The following KALRN variants were observed in gnomAD, a reference collection of about 807,000 sequenced individuals.
The protein encoded by KALRN is kalirin.
A neutral mutation model predicts 353.7 loss-of-function variants in KALRN; 70 were observed. That is an observed-to-expected ratio of 0.20 (90% CI 0.16 to 0.24). The LOEUF (loss-of-function observed/expected upper bound fraction) is 0.24, where lower values mean the gene tolerates loss of function less well. Among genes scored for constraint, KALRN ranks in the 10% least tolerant of loss-of-function variants. The pLI is 1.00. For missense variants in KALRN, 2,791 were observed against 3,756.7 expected (o/e 0.74, Z 6.72); for synonymous variants, 1,391 against 1,434.8 (o/e 0.97, Z 0.69).
chr3:124,298,678 G>A (rs957301033), intron 5 of KALRN, 113 bp from the exon 6 acceptor site: 18 of 1,208,766 alleles, frequency 1.5e-5, no homozygotes, highest in Non-Finnish European at 2.0e-5. Flanking sequence ...ACAATAACTG[G>A]TTCTCACTGA....
chr3:124,095,041 A>G (rs549953048), intron 1 of KALRN: 50 of 836,214 alleles, frequency 6.0e-5, no homozygotes, highest in South Asian at 1.1e-4. Flanking sequence ...AACAGAGGCA[A>G]GTAGCAAACC....
At chr3:124,094,397 T>G (rs1306591807) in intron 1 of KALRN, among the ~76,000 whole-genome samples, 1 of 152,230 alleles carries the variant, frequency 6.6e-6, no homozygotes. Context: ...AGCTTCTGGC[T>G]TCCCATCCCA....
chr3:124,636,014 G>T (rs1009575622), intron 36 of KALRN, among the ~76,000 whole-genome samples: 1 of 152,090 alleles, frequency 6.6e-6, no homozygotes, highest in Admixed American at 6.6e-5. Context: ...AGGATTACTA[G>T]ATTAAAAAGA....
At chr3:124,216,600 C>G (rs944513844) in intron 1 of KALRN, among the ~76,000 whole-genome samples, 12 of 152,174 alleles carry the variant, frequency 7.9e-5, no homozygotes, top group African/African-American at 2.9e-4. Context: ...TTAGTCTGTC[C>G]TCTGGTGAGT....
intron 1 of KALRN, among the ~76,000 whole-genome samples, chr3:124,148,968 C>T (rs892924280): frequency 6.6e-6 from 1 of 152,064 alleles, no homozygotes; most frequent in Non-Finnish European, 1.5e-5. Context: ...ATGCCAATAA[C>T]TTTATATTAT....
At position 124,679,417 on chromosome 3, in the gene KALRN, T is replaced by A. The variant is rs769028452; in HGVS notation, c.7318-41T>A. 1.8e-5 allele frequency: 29 copies of A among 1,569,436 alleles called. No homozygotes were observed. In the East Asian group the frequency reaches 6.3e-4, roughly 34 times the overall value. On this transcript the variant is annotated intron_variant, in intron 50 of 59. Transcript: ENST00000682506. ...TAGCAAAAGCTACTTGTGTTCTAAC[T>A]GTGTTCTCTTTCTTCCCCCTTCCTC...
intron 50 of KALRN, 118 bp from the exon 51 acceptor site, chr3:124,679,340 T>C: frequency 1.2e-6 from 1 of 835,560 alleles, no homozygotes; most frequent in Non-Finnish European, 1.9e-6. Context: ...CCTGGTTTTT[T>C]CTCTGCCCAA....
At chr3:124,437,747 A>AG (rs1438116838) in intron 17 of KALRN, among the ~76,000 whole-genome samples, 11 of 150,816 alleles carry the variant, frequency 7.3e-5, no homozygotes, top group African/African-American at 2.7e-4. Context: ...TTCTCAGAGA[A>AG]GGCCAAAGAT....
At chr3:124,239,569 A>C (rs16835214) in intron 3 of KALRN, among the ~76,000 whole-genome samples, 2,855 of 152,318 alleles carry the variant, frequency 0.019, 91 homozygotes, top group African/African-American at 0.064. Context: ...ATGTCAATCA[A>C]ATCAAGGTGC....
rs138200606 is a variant in KALRN at position 124,159,420 on chromosome 3, G to A, written c.74-68570G>A. On this transcript the variant is annotated intron_variant, in intron 1 of 59. Coordinates refer to ENST00000682506, the MANE Select transcript of KALRN (RefSeq NM_001388419.1). ...CAAGTAGCTGGGACTATAAGCATGTGCCACCACGCCTGACCCATTTTTTGT... is the reference window on the plus strand; with the variant it reads ...CAAGTAGCTGGGACTATAAGCATGTACCACCACGCCTGACCCATTTTTTGT... Among the ~76,000 whole-genome samples the A allele has an allele frequency of 2.4e-3, 361 of 152,136 alleles. 2 individuals are homozygous for A. Among genetic ancestry groups the A allele is most frequent in the African/African-American group, 7.7e-3 (320 of 41,516 alleles).
intron 33 of KALRN, among the ~76,000 whole-genome samples, chr3:124,498,580 G>A (rs1406245012): frequency 6.6e-6 from 1 of 152,204 alleles, no homozygotes; most frequent in East Asian, 1.9e-4. Context: ...TTTTAAATAT[G>A]CTAAAGAAAG....
rs11368212 is a variant in KALRN at position 124,646,699 on chromosome 3, A to AT, written c.5665-4095dup. Among the ~76,000 whole-genome samples the AT allele has an allele frequency of 2.8e-3, 413 of 145,092 alleles. 2 individuals are homozygous for AT. Among genetic ancestry groups the AT allele is most frequent in the Non-Finnish European group, 4.0e-3 (265 of 65,860 alleles). ...AGCCACTGCGCCCGGCCTCTTTTCC[A>AT]TTTTTTTTTTTTTTAATTAATAGTT... On this transcript the variant is annotated intron_variant, in intron 37 of 59. Transcript: ENST00000682506.
At chr3:124,318,789 G>A (rs1009937773) in intron 6 of KALRN, among the ~76,000 whole-genome samples, 1 of 152,176 alleles carries the variant, frequency 6.6e-6, no homozygotes, top group African/African-American at 2.4e-5. Context: ...GGAGCAATAA[G>A]CAGAGGGGCC....
At position 124,721,001 on chromosome 3, in the gene KALRN, T is replaced by C. The variant is rs1188272701; in HGVS notation, c.*1531T>C. ...TAATGGTGTTGCTTCTCTCCTATAA[T>C]GGGATAGAGAAAATTAAAATCACGT... On this transcript the variant is annotated 3_prime_UTR_variant, in exon 60 of 60. Coordinates refer to ENST00000682506, the MANE Select transcript of KALRN (RefSeq NM_001388419.1). 6.6e-6 allele frequency: 1 copy of C among 152,100 alleles called. No homozygotes were observed. The highest frequency in any genetic ancestry group is 1.5e-5 in the Non-Finnish European group (1 of 68,014). The allele number at this position is 152,100 out of a possible 1,614,324, so 9.4% of individuals were successfully genotyped here.
chr3:124,357,812 C>G (rs2083590298), intron 10 of KALRN, among the ~76,000 whole-genome samples: 1 of 152,174 alleles, frequency 6.6e-6, no homozygotes, highest in African/African-American at 2.4e-5. Flanking sequence ...GTAATTTTGT[C>G]TCAGTCTTTT....
At chr3:124,239,811 A>G (rs1355743172) in intron 3 of KALRN, among the ~76,000 whole-genome samples, 2 of 152,106 alleles carry the variant, frequency 1.3e-5, no homozygotes, top group African/African-American at 4.8e-5. Flanking sequence ...GCCATGAAAC[A>G]TGTTCTGTTG....
intron 10 of KALRN, among the ~76,000 whole-genome samples, chr3:124,360,925 G>A (rs1019737723): frequency 1.3e-5 from 2 of 152,178 alleles, no homozygotes; most frequent in Non-Finnish European, 2.9e-5. Context: ...TTGCCTTCAC[G>A]AAAAGATTTG....
rs1217237008 is a variant in KALRN at position 124,446,698 on chromosome 3, G to A, written c.3430-65G>A. The A allele has an allele frequency of 6.9e-6, 11 of 1,598,244 alleles. No individual in the cohort carries two copies. In the East Asian group the frequency reaches 2.0e-4, roughly 29 times the overall value. ...TGTCCCAACAATAACCTTCATTGTA[G>A]TATGGCATGTTTTCCTACTGACAGC... is the stretch of plus-strand genomic sequence containing the variant. On this transcript the variant is annotated intron_variant, in intron 20 of 59. Transcript: ENST00000682506.
intron 6 of KALRN, among the ~76,000 whole-genome samples, chr3:124,324,788 C>T (rs1360764236): frequency 2.0e-5 from 3 of 152,206 alleles, no homozygotes; most frequent in Non-Finnish European, 4.4e-5. Context: ...AAATAAAGAA[C>T]CTTCATTAAA....
Sources: gnomAD v4.1 joint callset for allele counts (sites outside exome capture counted in the v4.1 genomes callset) on GRCh38, gnomAD v4.1.1 for gene constraint, MANE v1.5 for transcripts, NCBI Gene and HGNC (gene_info 2026-07-23, HGNC 2026-07-21) for gene names.